Variants in PTPRM observed in about 807,000 individuals in gnomAD.
The protein encoded by PTPRM is protein tyrosine phosphatase receptor type M.
Under a neutral mutation model 186.7 loss-of-function variants are expected in PTPRM, and 47 were observed. That is an observed-to-expected ratio of 0.25 (90% confidence interval 0.20 to 0.32). The LOEUF (loss-of-function observed/expected upper bound fraction) is 0.32. PTPRM is among the 10% of genes least tolerant of loss of function. PTPRM has a pLI of 1.00. For missense variants in PTPRM, 1,494 were observed against 1,865.0 expected (o/e 0.80, Z 3.66); for synonymous variants, 668 against 674.9 (o/e 0.99, Z 0.16).
At chr18:8,252,580 A>C in intron 18 of PTPRM, 81 bp downstream of exon 18, 1 of 1,348,704 alleles carries the variant, frequency 7.4e-7, no homozygotes, top group South Asian at 1.2e-5. Context: ...TGACAAAGCC[A>C]GCTGGTGCTG....
chr18:8,171,844 C>T (rs964604741), intron 14 of PTPRM, among the ~76,000 whole-genome samples: 3 of 152,096 alleles, frequency 2.0e-5, no homozygotes, highest in African/African-American at 7.2e-5. Context: ...CCTAGCCTCC[C>T]TTAAATGTGC....
chr18:7,610,710 A>T (rs1447035695), intron 1 of PTPRM, among the ~76,000 whole-genome samples: 1 of 152,194 alleles, frequency 6.6e-6, no homozygotes, highest in African/African-American at 2.4e-5. Context: ...GTGTAAACAA[A>T]CCTACTGTGT....
At chr18:8,401,939 G>A (rs76523979) in intron 32 of PTPRM, among the ~76,000 whole-genome samples, 1 of 152,204 alleles carries the variant, frequency 6.6e-6, no homozygotes. Flanking sequence ...AGGATGTGAG[G>A]AGGACCGGGC....
chr18:7,829,274 A>G (rs925963827), intron 2 of PTPRM, among the ~76,000 whole-genome samples: 3 of 152,230 alleles, frequency 2.0e-5, no homozygotes, highest in Non-Finnish European at 4.4e-5. Flanking sequence ...GGAAACTTGT[A>G]TCTATGTACA....
chr18:8,136,194 C>G (rs1232925227), intron 13 of PTPRM, among the ~76,000 whole-genome samples: 1 of 152,212 alleles, frequency 6.6e-6, no homozygotes, highest in Non-Finnish European at 1.5e-5. Flanking sequence ...CAGCCACCCC[C>G]ACTTCCTTTC....
intron 7 of PTPRM, among the ~76,000 whole-genome samples, chr18:8,057,447 T>A (rs1223704599): frequency 2.4e-5 from 3 of 124,608 alleles, no homozygotes; most frequent in African/African-American, 6.9e-5. Context: ...TTTTTTTTTT[T>A]AGCTATTCTT....
intron 5 of PTPRM, chr18:7,946,741 C>A: frequency 3.3e-6 from 1 of 300,978 alleles, no homozygotes; most frequent in Non-Finnish European, 6.6e-6. Flanking sequence ...TGACTTACGG[C>A]ATTGTGTGGT....
At chr18:7,591,949 T>C (rs2037136557) in intron 1 of PTPRM, among the ~76,000 whole-genome samples, 1 of 152,170 alleles carries the variant, frequency 6.6e-6, no homozygotes, top group South Asian at 2.1e-4. Flanking sequence ...GCTCTCCCTA[T>C]GTGTCCCGTT....
intron 7 of PTPRM, among the ~76,000 whole-genome samples, chr18:8,035,511 A>G (rs191813111): frequency 3.3e-5 from 5 of 152,276 alleles, no homozygotes; most frequent in Non-Finnish European, 7.4e-5. Context: ...ATTACCCAAT[A>G]CAATGTAAAT....
chr18:8,039,198 A>G (rs1311408570), intron 7 of PTPRM, among the ~76,000 whole-genome samples: 2 of 152,164 alleles, frequency 1.3e-5, no homozygotes, highest in Non-Finnish European at 1.5e-5. Context: ...ATATTATTTT[A>G]TATGCATATA....
intron 1 of PTPRM, among the ~76,000 whole-genome samples, chr18:7,715,558 A>G (rs1038843397): frequency 6.6e-6 from 1 of 152,190 alleles, no homozygotes; most frequent in Non-Finnish European, 1.5e-5. Context: ...GAAGAGAAGA[A>G]GTCAAATTGT....
intron 4 of PTPRM, among the ~76,000 whole-genome samples, chr18:7,919,689 G>A (rs1210579806): frequency 1.3e-5 from 2 of 152,116 alleles, no homozygotes; most frequent in Non-Finnish European, 2.9e-5. Flanking sequence ...GTATTCCATA[G>A]CATTTGGGTG....
intron 13 of PTPRM, among the ~76,000 whole-genome samples, chr18:8,118,946 T>C (rs2092069574): frequency 6.6e-6 from 1 of 151,484 alleles, no homozygotes; most frequent in African/African-American, 2.4e-5. Context: ...AGTCAAAAGA[T>C]TGGACACCCC....
chr18:7,599,427 A>G (rs1035726302), intron 1 of PTPRM, among the ~76,000 whole-genome samples: 3 of 152,228 alleles, frequency 2.0e-5, no homozygotes, highest in Non-Finnish European at 4.4e-5. Flanking sequence ...ATTTGTCTCT[A>G]CAAGTGTAAG....
At chr18:7,770,864 G>A (rs1319373943) in intron 1 of PTPRM, among the ~76,000 whole-genome samples, 1 of 152,150 alleles carries the variant, frequency 6.6e-6, no homozygotes, top group African/African-American at 2.4e-5. Context: ...ATGAAGGCTA[G>A]GGGTGGATCT....
intron 14 of PTPRM, among the ~76,000 whole-genome samples, chr18:8,168,942 C>A (rs2093359803): frequency 6.6e-6 from 1 of 152,166 alleles, no homozygotes; most frequent in South Asian, 2.1e-4. Flanking sequence ...CACCCATAAT[C>A]CAGATTCACT....
chr18:7,777,593 G>A (rs2042651548), intron 2 of PTPRM, among the ~76,000 whole-genome samples: 1 of 152,044 alleles, frequency 6.6e-6, no homozygotes, highest in South Asian at 2.1e-4. Context: ...TTGTTATTTT[G>A]GACCCATGGT....
At chr18:7,619,915 G>A (rs73939307) in intron 1 of PTPRM, among the ~76,000 whole-genome samples, 2,614 of 152,296 alleles carry the variant, frequency 0.017, 84 homozygotes, top group African/African-American at 0.06. Context: ...GAAACTTGCA[G>A]TTGATTCTTC....
intron 7 of PTPRM, among the ~76,000 whole-genome samples, chr18:8,008,792 C>T (rs8099263): frequency 0.025 from 3,752 of 152,272 alleles, 150 homozygotes; most frequent in African/African-American, 0.086. Context: ...ACCTCGCTCC[C>T]TCCAGACGCC....
Sources: allele counts gnomAD v4.1 joint callset (sites outside exome capture counted in the v4.1 genomes callset), GRCh38; gene constraint gnomAD v4.1.1; transcripts MANE v1.5; gene names NCBI Gene and HGNC (gene_info 2026-07-23, HGNC 2026-07-21).